IL1RAPL2: variants seen among roughly 807,000 people sequenced by gnomAD.
IL1RAPL2 encodes the protein interleukin 1 receptor accessory protein like 2.
IL1RAPL2 carries 3 observed loss-of-function variants against 44.1 expected under a neutral mutation model. The ratio of observed to expected loss-of-function variants is 0.07; its 90% CI spans 0.03 to 0.18. IL1RAPL2 has a LOEUF of 0.18. IL1RAPL2 is among the 10% of genes least tolerant of loss of function. The probability of loss-of-function intolerance (pLI) is 1.00; values close to 1 mark genes in which losing one functional copy is unlikely to be tolerated. For missense variants in IL1RAPL2, 391 were observed against 496.4 expected (o/e 0.79, Z 2.02); for synonymous variants, 181 against 178.8 (o/e 1.01, Z -0.10).
intron 2 of IL1RAPL2, among the ~76,000 whole-genome samples, chrX:104,736,291 T>C (rs1431144390): frequency 8.9e-6 from 1 of 112,187 alleles, no homozygotes; most frequent in Admixed American, 9.5e-5. Flanking sequence ...CCTCAGAAGA[T>C]TATATAGGCT....
At chrX:104,740,118 C>T (rs1264887469) in intron 2 of IL1RAPL2, among the ~76,000 whole-genome samples, 2 of 111,072 alleles carry the variant, frequency 1.8e-5, no homozygotes, top group African/African-American at 3.3e-5. Flanking sequence ...TTTCCTCCCT[C>T]GATCAATAAG....
intron 2 of IL1RAPL2, among the ~76,000 whole-genome samples, chrX:104,986,343 T>C (rs1476797826): frequency 8.9e-6 from 1 of 112,290 alleles, no homozygotes; most frequent in Non-Finnish European, 1.9e-5. Context: ...TAATCGTGGA[T>C]AGCACAGAGT....
chrX:104,716,240 A>T (rs1931563512), intron 2 of IL1RAPL2, among the ~76,000 whole-genome samples: 1 of 111,789 alleles, frequency 8.9e-6, no homozygotes, highest in African/African-American at 3.2e-5. Context: ...GCAGAAGATT[A>T]AAACTAGATC....
At chrX:105,322,109 C>G (rs1467763503) in intron 5 of IL1RAPL2, among the ~76,000 whole-genome samples, 1 of 112,539 alleles carries the variant, frequency 8.9e-6, no homozygotes, top group African/African-American at 3.2e-5. Context: ...GTAGCTTGCT[C>G]CCTTGGTGAA....
intron 2 of IL1RAPL2, among the ~76,000 whole-genome samples, chrX:104,821,637 G>T (rs1921305962): frequency 8.9e-6 from 1 of 111,972 alleles, no homozygotes; most frequent in Non-Finnish European, 1.9e-5. Context: ...TCTTTATCCG[G>T]TCTATCATTG....
At chrX:105,079,379 T>TG (rs2032367722) in intron 2 of IL1RAPL2, among the ~76,000 whole-genome samples, 1 of 108,888 alleles carries the variant, frequency 9.2e-6, no homozygotes, top group Admixed American at 9.8e-5. Flanking sequence ...CATATGTTTA[T>TG]GGCTGCACTA....
chrX:104,774,049 G>A, intron 2 of IL1RAPL2, among the ~76,000 whole-genome samples: 4 of 111,539 alleles, frequency 3.6e-5, no homozygotes. Context: ...TAACGGAATG[G>A]GTAGAAGTGA....
At chrX:105,272,129 T>G (rs2034451124) in intron 5 of IL1RAPL2, among the ~76,000 whole-genome samples, 1 of 43,463 alleles carries the variant, frequency 2.3e-5, no homozygotes. Flanking sequence ...CTGGGGACTG[T>G]GGTGGGGTGG....
At chrX:104,625,343 A>G (rs766899640) in intron 1 of IL1RAPL2, among the ~76,000 whole-genome samples, 10 of 111,975 alleles carry the variant, frequency 8.9e-5, no homozygotes, top group Non-Finnish European at 1.9e-4. Flanking sequence ...CAATAACAAA[A>G]TGGTACAGTT....
chrX:104,925,922 A>G (rs760401081), intron 2 of IL1RAPL2, among the ~76,000 whole-genome samples: 1 of 112,308 alleles, frequency 8.9e-6, no homozygotes, highest in South Asian at 3.7e-4. Flanking sequence ...CTTTTTGCAG[A>G]TAACATGATT....
chrX:105,072,422 G>A (rs955650173), intron 2 of IL1RAPL2, among the ~76,000 whole-genome samples: 5 of 111,306 alleles, frequency 4.5e-5, no homozygotes, highest in Non-Finnish European at 9.4e-5. Context: ...ATGTGGAAGC[G>A]ACTTTGGAAC....
intron 2 of IL1RAPL2, among the ~76,000 whole-genome samples, chrX:105,043,527 C>T (rs1208077732): frequency 9.3e-6 from 1 of 108,080 alleles, no homozygotes; most frequent in Non-Finnish European, 1.9e-5. Context: ...GAAATAAGTC[C>T]CTTCCGTCTT....
intron 6 of IL1RAPL2, among the ~76,000 whole-genome samples, chrX:105,511,805 A>G (rs759827356): frequency 3.6e-5 from 4 of 111,848 alleles, no homozygotes; most frequent in Non-Finnish European, 7.5e-5. Flanking sequence ...ATAAACACCA[A>G]GTGGATGAGA....
At chrX:105,236,811 C>A (rs1211105849) in intron 4 of IL1RAPL2, among the ~76,000 whole-genome samples, 1 of 110,990 alleles carries the variant, frequency 9.0e-6, no homozygotes, top group Non-Finnish European at 1.9e-5. Context: ...TACTTTATAG[C>A]CCATGTATTT....
At chrX:104,763,324 C>T (rs369036913) in intron 2 of IL1RAPL2, among the ~76,000 whole-genome samples, 74 of 112,054 alleles carry the variant, frequency 6.6e-4, no homozygotes, top group African/African-American at 2.0e-3. Flanking sequence ...ACATTTTGTT[C>T]GAAACCATTC....
intron 2 of IL1RAPL2, among the ~76,000 whole-genome samples, chrX:105,090,283 G>T (rs753116793): frequency 9.0e-6 from 1 of 111,528 alleles, no homozygotes; most frequent in South Asian, 3.8e-4. Flanking sequence ...TCACTGCTCT[G>T]TAGAACCCAC....
chrX:105,559,542 G>A (rs1482953138), intron 6 of IL1RAPL2, among the ~76,000 whole-genome samples: 1 of 111,338 alleles, frequency 9.0e-6, no homozygotes, highest in African/African-American at 3.3e-5. Context: ...CCCCCAAAGT[G>A]TCACCCAGTT....
intron 1 of IL1RAPL2, among the ~76,000 whole-genome samples, chrX:104,598,608 T>G (rs1205083416): frequency 8.9e-6 from 1 of 112,474 alleles, no homozygotes; most frequent in East Asian, 2.8e-4. Flanking sequence ...TAGGTTCTGG[T>G]TGGATCATGG....
At chrX:105,300,607 A>C (rs1288652699) in intron 5 of IL1RAPL2, among the ~76,000 whole-genome samples, 3 of 111,314 alleles carry the variant, frequency 2.7e-5, no homozygotes, top group Non-Finnish European at 5.6e-5. Context: ...TCCCATTCCC[A>C]TAAGAAGCCA....
Sources: allele counts gnomAD v4.1 joint callset (sites outside exome capture counted in the v4.1 genomes callset), GRCh38; gene constraint gnomAD v4.1.1; transcripts MANE v1.5; gene names NCBI Gene and HGNC (gene_info 2026-07-23, HGNC 2026-07-21).